Variants in GALR1 observed in about 807,000 individuals in gnomAD.
The protein encoded by GALR1 is galanin receptor 1.
Under a neutral mutation model 17.9 loss-of-function variants are expected in GALR1, and 11 were observed. The observed-to-expected ratio is 0.62, with a 90% confidence interval of 0.39 to 1.02. The LOEUF (loss-of-function observed/expected upper bound fraction) is 1.02. Among genes scored for constraint, GALR1 ranks in the 50% least tolerant of loss-of-function variants. GALR1 has a pLI of 0.01. For missense variants in GALR1, 441 were observed against 456.9 expected, an observed-to-expected ratio of 0.97 and a Z score of 0.32; for synonymous variants, 206 against 205.7, an observed-to-expected ratio of 1.00 and a Z score of -0.01.
At chr18:77,254,965 C>T (rs1912553449) in intron 1 of GALR1, among the ~76,000 whole-genome samples, 1 of 152,178 alleles carries the variant, frequency 6.6e-6, no homozygotes, top group South Asian at 2.1e-4. Flanking sequence ...GCCTGGGCAG[C>T]TGGTAAATAT....
Position 77,259,014 on chromosome 18 carries a change from GGTGTTGGTGTTGGTGGTGGTC to G in GALR1, c.732+2792_732+2812del, listed in dbSNP as rs1324323085. Among the ~76,000 whole-genome samples, 19 of 26,328 alleles carry G rather than the reference GGTGTTGGTGTTGGTGGTGGTC, an allele frequency of 7.2e-4. 3 individuals carry two copies. The highest frequency in any genetic ancestry group is 3.3e-3 in the South Asian group (1 of 306). 17.3% of individuals were successfully genotyped at this position (26,328 alleles called of 152,430 possible). On this transcript the variant is annotated intron_variant, in intron 2 of 2. Coordinates refer to ENST00000299727, the MANE Select transcript of GALR1 (RefSeq NM_001480.4). The stretch of plus-strand genomic sequence containing the variant: ...TGGTGGTGGTGGTCACAGTGGTGGT[GGTGTTGGTGTTGGTGGTGGTC>G]ATGATGGTCATGGTGGTGATGATGG...
At chr18:77,251,312 C>T in intron 1 of GALR1, 98 bp downstream of exon 1, 6 of 1,480,142 alleles carry the variant, frequency 4.1e-6, no homozygotes, top group Non-Finnish European at 5.4e-6. Context: ...GGAGCCTTGG[C>T]GGCAGCCTGG....
At position 77,252,896 on chromosome 18, in the gene GALR1, TCACCACCACCACCAC is replaced by T. The variant is rs1252635221; in HGVS notation, c.666+1694_666+1708del. 6.3e-3 allele frequency among the ~76,000 whole-genome samples: 490 copies of T among 78,280 alleles called. 16 individuals carry two copies. The highest frequency in any genetic ancestry group is 0.023 in the African/African-American group (445 of 19,740). The allele number at this position is 78,280 out of a possible 152,430, so 51.4% of individuals were successfully genotyped here. On this transcript the variant is annotated intron_variant, in intron 1 of 2. Coordinates refer to ENST00000299727, the MANE Select transcript of GALR1 (RefSeq NM_001480.4). ...ACCACCACCATCACCACCACCACCATCACCACCACCACCACCACCACCACCATCACCACCACCACC... is the reference window on the plus strand; with the variant it reads ...ACCACCACCATCACCACCACCACCATCACCACCACCATCACCACCACCACC...
At chr18:77,261,550 A>G (rs1280122205) in intron 2 of GALR1, among the ~76,000 whole-genome samples, 1 of 152,164 alleles carries the variant, frequency 6.6e-6, no homozygotes, top group Non-Finnish European at 1.5e-5. Context: ...ACGGAAATGT[A>G]TTTCTTGCAG....
chr18:77,257,922 A>T (rs914577700), intron 2 of GALR1, among the ~76,000 whole-genome samples: 1 of 152,238 alleles, frequency 6.6e-6, no homozygotes, highest in Admixed American at 6.5e-5. Context: ...TGTGTTAATG[A>T]TTCAAAAGAT....
chr18:77,252,034 T>C (rs1365554158), intron 1 of GALR1, among the ~76,000 whole-genome samples: 2 of 152,178 alleles, frequency 1.3e-5, no homozygotes, highest in Non-Finnish European at 2.9e-5. Context: ...GGTGAAGTGG[T>C]TGAGGCGGCG....
chr18:77,258,575 GGTGGTC>G (rs1215829132), intron 2 of GALR1, among the ~76,000 whole-genome samples: 1 of 147,982 alleles, frequency 6.8e-6, no homozygotes, highest in Non-Finnish European at 1.5e-5. Context: ...TGGGGGTGGT[GGTGGTC>G]ATGGTGGTGA....
In GALR1 at chr18:77,250,532, G is replaced by A. The variant is rs1271864427; in HGVS notation, c.-17G>A. On this transcript the variant is annotated 5_prime_UTR_variant, in exon 1 of 3. Coordinates refer to ENST00000299727, the MANE Select transcript of GALR1 (RefSeq NM_001480.4). ...TCCCCGCGCGCCCCGCCGCTCGCCG[G>A]GACAGCCCCGCGGGCCATGGAGCTG... 4 of 1,490,064 alleles carry A rather than the reference G, an allele frequency of 2.7e-6. No homozygotes were observed. Among genetic ancestry groups the A allele is most frequent in the Non-Finnish European group, 2.7e-6 (3 of 1,126,636 alleles). The allele number at this position is 1,490,064 out of a possible 1,614,324, so 92.3% of individuals were successfully genotyped here. A position where few individuals can be genotyped will look rare whatever the true frequency, so the allele number is the denominator to read the frequency against.
Position 77,267,515 on chromosome 18 carries a change from G to A in GALR1, c.733-1070G>A, listed in dbSNP as rs964211435. ...ATGTGGTCCCATCATCGGTCCACTA[G>A]TTTCGATGGCTCTGTTGTGACCATC... On this transcript the variant is annotated intron_variant, in intron 2 of 2. Coordinates refer to ENST00000299727, the MANE Select transcript of GALR1 (RefSeq NM_001480.4). Among the ~76,000 whole-genome samples the A allele has an allele frequency of 5.3e-5, 8 of 152,342 alleles. No homozygotes were observed. In the South Asian group the frequency reaches 1.2e-3, roughly 24 times the overall value.
rs901527930 is a variant in GALR1, at chr18:77,276,924, A to T, written c.*8022A>T. 4 of 152,204 alleles carry T rather than the reference A, an allele frequency of 2.6e-5. No homozygotes were observed. The highest frequency in any genetic ancestry group is 9.7e-5 in the African/African-American group (4 of 41,432). 9.4% of individuals were successfully genotyped at this position (152,204 alleles called of 1,614,324 possible). A position where few individuals can be genotyped will look rare whatever the true frequency, so the allele number is the denominator to read the frequency against. On this transcript the variant is annotated 3_prime_UTR_variant, in exon 3 of 3. Transcript: ENST00000299727. ...GAGATTGTTATAATTTTTGCCTCAA[A>T]AAAATAAAATAAAATAGCTTGGTGG... is the stretch of plus-strand genomic sequence containing the variant.
chr18:77,252,926 C>CCACCACCACCATCACCACCAT lies in GALR1; in HGVS notation c.666+1723_666+1724insTCACCACCATCACCACCACCA, dbSNP rs1568139078. Among the ~76,000 whole-genome samples, 33 of 45,992 alleles carry CCACCACCACCATCACCACCAT rather than the reference C, an allele frequency of 7.2e-4. 1 individual carries two copies. Among genetic ancestry groups the CCACCACCACCATCACCACCAT allele is most frequent in the Non-Finnish European group, 1.4e-3 (28 of 19,980 alleles). The allele number at this position is 45,992 out of a possible 152,430, so 30.2% of individuals were successfully genotyped here. ...ACCACCACCACCACCACCACCATCA[C>CCACCACCACCATCACCACCAT]CACCACCACCACCACCACCACCATC... On this transcript the variant is annotated intron_variant, in intron 1 of 2. Transcript: ENST00000299727.
intron 1 of GALR1, among the ~76,000 whole-genome samples, chr18:77,252,556 T>G (rs1912442311): frequency 6.6e-6 from 1 of 152,320 alleles, no homozygotes; most frequent in East Asian, 1.9e-4. Context: ...GGATATTATC[T>G]GAACGGCCTG....
intron 2 of GALR1, among the ~76,000 whole-genome samples, chr18:77,264,133 C>CAAAAAAA (rs56102250): frequency 3.5e-5 from 2 of 57,268 alleles, no homozygotes; most frequent in Non-Finnish European, 6.1e-5. Flanking sequence ...GACTCCATCT[C>CAAAAAAA]AAAAAAAAAA....
rs2144969182 is a variant in GALR1 at position 77,269,398 on chromosome 18, AG to A, written c.*497del. The A allele has an allele frequency of 6.5e-6, 1 of 153,590 alleles. No individual in the cohort carries two copies. The highest frequency in any genetic ancestry group is 2.0e-4 in the South Asian group (1 of 4,892). 9.5% of individuals were successfully genotyped at this position (153,590 alleles called of 1,614,324 possible). On this transcript the variant is annotated 3_prime_UTR_variant, in exon 3 of 3. Transcript: ENST00000299727. ...TGATGAATTTTTTGGCCATTTACAT[AG>A]ACATATCTATTAAGTGGAAAGAAGG... is the stretch of plus-strand genomic sequence containing the variant.
intron 1 of GALR1, 42 bp downstream of exon 1, chr18:77,251,256 G>C (rs769904353): frequency 6.4e-7 from 1 of 1,556,712 alleles, no homozygotes; most frequent in African/African-American, 1.3e-5. Flanking sequence ...AGGGAGGGCG[G>C]AGGGCCGGTG....
rs1251273962 is a variant in GALR1 at position 77,270,538 on chromosome 18, G to A, written c.*1636G>A. On this transcript the variant is annotated 3_prime_UTR_variant, in exon 3 of 3. Coordinates refer to ENST00000299727, the MANE Select transcript of GALR1 (RefSeq NM_001480.4). ...AAAATATATATATATATGTGTGTGTGTGTGTGTGTGTGTGTGTGTGTGTGT... is the reference window on the plus strand; with the variant it reads ...AAAATATATATATATATGTGTGTGTATGTGTGTGTGTGTGTGTGTGTGTGT... The A allele has an allele frequency of 1.8e-4, 27 of 151,378 alleles. No homozygotes were observed. Among genetic ancestry groups the A allele is most frequent in the African/African-American group, 6.1e-4 (25 of 41,028 alleles). The allele number at this position is 151,378 out of a possible 1,614,324, so 9.4% of individuals were successfully genotyped here.
At chr18:77,254,792 A>G (rs1474668870) in intron 1 of GALR1, among the ~76,000 whole-genome samples, 1 of 152,188 alleles carries the variant, frequency 6.6e-6, no homozygotes, top group Admixed American at 6.5e-5. Flanking sequence ...ACACCTTGTC[A>G]ATGTATTGAG....
At chr18:77,266,072 T>A (rs1195477523) in intron 2 of GALR1, among the ~76,000 whole-genome samples, 1 of 152,224 alleles carries the variant, frequency 6.6e-6, no homozygotes, top group Non-Finnish European at 1.5e-5. Flanking sequence ...TATTGCATGA[T>A]CAGGTTGCAA....
rs1484094596 is a variant in GALR1, at chr18:77,251,210, C to G, written c.662C>G (p.Ala221Gly). ...CTCCTGCTCATCTGCTTCTGCTATG[C>G]CAAGGTGCACGCCGGTCGCGGGGCC... ...LPLLLICFCY[A>G]KVLNHLHKKL... Residue 221 changes from alanine (A) to glycine (G), a missense_variant, in exon 1 of 3, where the codon GCC becomes GGC. Physicochemically the swap from Ala to Gly is moderately conservative, Grantham distance 60 (BLOSUM62 0). Coordinates refer to ENST00000299727, the MANE Select transcript of GALR1 (RefSeq NM_001480.4). 1.9e-6 allele frequency: 3 copies of G among 1,602,572 alleles called. No individual in the cohort carries two copies. The South Asian group carries it at 3.3e-5, about 18-fold the overall frequency.
Sources: gnomAD v4.1 joint callset for allele counts (sites outside exome capture counted in the v4.1 genomes callset) on GRCh38, gnomAD v4.1.1 for gene constraint, MANE v1.5 for transcripts, NCBI Gene and HGNC (gene_info 2026-07-23, HGNC 2026-07-21) for gene names.